The following ATP10A variants were observed in gnomAD, a reference collection of about 807,000 sequenced individuals.
ATP10A encodes the protein ATPase phospholipid transporting 10A (putative).
ATP10A carries 111 observed loss-of-function variants against 147.8 expected under a neutral mutation model. The observed-to-expected ratio is 0.75, with a 90% CI of 0.64 to 0.88. ATP10A has a LOEUF of 0.88. Among genes scored for constraint, ATP10A ranks in the 40% least tolerant of loss-of-function variants. ATP10A has a pLI of 0.00. For synonymous variants in ATP10A, 875 were observed against 841.6 expected, an observed-to-expected ratio of 1.04 and a Z score of -0.69; for missense variants, 1,927 against 1,959.0, an observed-to-expected ratio of 0.98 and a Z score of 0.31.
chr15:25,713,975 A>G lies in ATP10A; in HGVS notation c.2043T>C (p.Leu681=), dbSNP rs777193880. The G allele has an allele frequency of 6.2e-7, 1 of 1,609,776 alleles. No individual in the cohort carries two copies. The highest frequency in any genetic ancestry group is 1.3e-5 in the African/African-American group (1 of 74,950). ...CGCGCTCTGACTCCTGCTCCTGAGC[A>G]AGCTCCGAGGCCCAGTTGTCCGCCT... ...SSQADNWASE[L]AQEQESEREL... is the part of the protein sequence containing the mutation. Residue 681 remains leucine, a synonymous_variant, in exon 10 of 21, where the codon CTT becomes CTC. Transcript: ENST00000555815.
At chr15:25,742,919 A>G (rs1057375831) in intron 2 of ATP10A, among the ~76,000 whole-genome samples, 1 of 152,216 alleles carries the variant, frequency 6.6e-6, no homozygotes, top group African/African-American at 2.4e-5. Context: ...CTGCTTCCAC[A>G]GCCACAGGCC....
chr15:25,762,123 C>A (rs76132981), intron 2 of ATP10A, among the ~76,000 whole-genome samples: 1 of 152,092 alleles, frequency 6.6e-6, no homozygotes, highest in Non-Finnish European at 1.5e-5. Context: ...CTTATAAGGG[C>A]CTTTTCCCCC....
chr15:25,707,903 A>T, intron 12 of ATP10A, 73 bp downstream of exon 12: 1 of 1,573,314 alleles, frequency 6.4e-7, no homozygotes, highest in Non-Finnish European at 8.7e-7. Context: ...CGCTGACAAG[A>T]GCACTCACCC....
At chr15:25,754,664 A>C (rs539936942) in intron 2 of ATP10A, among the ~76,000 whole-genome samples, 1 of 152,196 alleles carries the variant, frequency 6.6e-6, no homozygotes, top group African/African-American at 2.4e-5. Context: ...TATCCGACAT[A>C]AAAATTGGAT....
chr15:25,849,706 GA>G (rs1300587913), intron 1 of ATP10A, among the ~76,000 whole-genome samples: 1 of 152,216 alleles, frequency 6.6e-6, no homozygotes, highest in African/African-American at 2.4e-5. Flanking sequence ...ATGCCAGAGA[GA>G]ACCTGAGGGT....
intron 15 of ATP10A, among the ~76,000 whole-genome samples, chr15:25,690,635 G>A (rs566248377): frequency 3.4e-4 from 52 of 152,214 alleles, no homozygotes; most frequent in African/African-American, 1.2e-3. Context: ...AATATTTATT[G>A]AAAAATGTCC....
At chr15:25,776,809 A>G (rs1244101515) in intron 2 of ATP10A, among the ~76,000 whole-genome samples, 3 of 152,116 alleles carry the variant, frequency 2.0e-5, no homozygotes, top group Non-Finnish European at 4.4e-5. Context: ...CATTAAATAC[A>G]ACCCTATTCC....
At position 25,679,633 on chromosome 15, in the gene ATP10A, A is replaced by C; in HGVS notation, c.4208T>G (p.Leu1403Arg). 1 of 1,613,330 alleles carries C rather than the reference A, an allele frequency of 6.2e-7. No homozygotes were observed. The highest frequency in any genetic ancestry group is 8.5e-7 in the Non-Finnish European group (1 of 1,179,936). The change falls in exon 21 of 21, where the codon CTG (leucine) becomes CGG (arginine). Residue 1403 changes from leucine (L) to arginine (R), a missense_variant. By Grantham distance (102) the Leu-to-Arg change is moderately radical. Coordinates refer to ENST00000555815, the MANE Select transcript of ATP10A (RefSeq NM_024490.4). ...PMSSAPGEAV[L>R]RSPGGCPEES... is the part of the protein sequence containing the mutation. ...CTCAGGACACCCTCCTGGACTCCTC[A>C]GGACAGCCTCCCCTGGCGCAGAGGA...
At chr15:25,695,932 GAA>G in intron 13 of ATP10A, among the ~76,000 whole-genome samples, 1 of 135,994 alleles carries the variant, frequency 7.4e-6, no homozygotes, top group South Asian at 2.4e-4. Flanking sequence ...GCCAGGAAAA[GAA>G]AAAAAAAAAA....
chr15:25,714,631 C>T (rs987314382), intron 9 of ATP10A, among the ~76,000 whole-genome samples: 1 of 152,012 alleles, frequency 6.6e-6, no homozygotes, highest in Admixed American at 6.6e-5. Flanking sequence ...TGGATGTATG[C>T]AGGGGAGTTG....
chr15:25,806,362 G>C, intron 1 of ATP10A, among the ~76,000 whole-genome samples: 1 of 151,522 alleles, frequency 6.6e-6, no homozygotes, highest in Non-Finnish European at 1.5e-5. Flanking sequence ...GCCCAGGCTG[G>C]AGTGCAGTGG....
intron 12 of ATP10A, among the ~76,000 whole-genome samples, chr15:25,703,515 C>T (rs1900795184): frequency 6.6e-6 from 1 of 152,206 alleles, no homozygotes; most frequent in Non-Finnish European, 1.5e-5. Context: ...GCCTTCAAAA[C>T]TCTAAGAAGT....
In ATP10A at chr15:25,679,330, T is replaced by C; in HGVS notation, c.*11A>G. On this transcript the variant is annotated 3_prime_UTR_variant, in exon 21 of 21. Transcript: ENST00000555815. The stretch of plus-strand genomic sequence containing the variant: ...TATTTATATATATTAAAAAAGGCCA[T>C]TTCAAGGTTTTCACTGTGACCGCCT... 1 of 1,419,826 alleles carries C rather than the reference T, an allele frequency of 7.0e-7. No individual in the cohort carries two copies. The highest frequency in any genetic ancestry group is 1.4e-5 in the African/African-American group (1 of 69,316). 88.0% of individuals were successfully genotyped at this position (1,419,826 alleles called of 1,614,324 possible). A position where few individuals can be genotyped will look rare whatever the true frequency, so the allele number is the denominator to read the frequency against.
In ATP10A at chr15:25,679,319, A is replaced by T. The variant is rs752493136; in HGVS notation, c.*22T>A. The T allele has an allele frequency of 2.2e-5, 30 of 1,372,122 alleles. No individual in the cohort carries two copies. In the Admixed American group the frequency reaches 3.0e-4, roughly 14 times the overall value. The allele number at this position is 1,372,122 out of a possible 1,614,324, so 85.0% of individuals were successfully genotyped here. A position where few individuals can be genotyped will look rare whatever the true frequency, so the allele number is the denominator to read the frequency against. ...ATATTAACATTTATTTATATATATT[A>T]AAAAAGGCCATTTCAAGGTTTTCAC... On this transcript the variant is annotated 3_prime_UTR_variant, in exon 21 of 21. Coordinates refer to ENST00000555815, the MANE Select transcript of ATP10A (RefSeq NM_024490.4).
chr15:25,680,250 A>C lies in ATP10A; in HGVS notation c.3737T>G (p.Leu1246Trp), dbSNP rs758123629. 1.9e-6 allele frequency: 3 copies of C among 1,614,232 alleles called. No homozygotes were observed. The highest frequency in any genetic ancestry group is 2.5e-6 in the Non-Finnish European group (3 of 1,180,034). The change falls in exon 20 of 21, where the codon TTG becomes TGG. Residue 1246 changes from leucine to tryptophan, a missense_variant. Transcript: ENST00000555815. ...FSVLLFFTVA[L>W]IYNASCATCY... ...CGTGGCACAAGACGCATTGTAAATC[A>C]AAGCCACGGTGAAAAACAAAAGGAC...
At position 25,862,681 on chromosome 15, in the gene ATP10A, T is replaced by C. The variant is rs1466773816; in HGVS notation, c.416A>G (p.Lys139Arg). ...EDYSRHRSDH[K>R]INHLGCLVFS... Reference sequence around the variant, plus strand: ...GACCAGGCAGCCCAGGTGGTTGATCTTGTGGTCGGAGCGGTGGCGGCTGTA... The same window carrying C: ...GACCAGGCAGCCCAGGTGGTTGATCCTGTGGTCGGAGCGGTGGCGGCTGTA... The change falls in exon 1 of 21, where the codon AAG (lysine) becomes AGG (arginine). Residue 139 changes from lysine to arginine, a missense_variant. Lys to Arg is a conservative substitution (Grantham distance 26). Transcript: ENST00000555815. The C allele has an allele frequency of 4.4e-6, 7 of 1,601,426 alleles. No homozygotes were observed. In the East Asian group the frequency reaches 6.7e-5, roughly 15 times the overall value.
chr15:25,849,592 G>C lies in ATP10A; in HGVS notation c.449+13056C>G, dbSNP rs1893189418. Among the ~76,000 whole-genome samples, 19 of 152,122 alleles carry C rather than the reference G, an allele frequency of 1.2e-4. No homozygotes were observed. The South Asian group carries it at 3.9e-3, about 32-fold the overall frequency. On this transcript the variant is annotated intron_variant, in intron 1 of 20. Transcript: ENST00000555815. Reference sequence around the variant, plus strand: ...AGGAATTAACACAGGATAGGAAACTGAAAGGAGAAAAAGAGAAAAGACCAG... The same window carrying C: ...AGGAATTAACACAGGATAGGAAACTCAAAGGAGAAAAAGAGAAAAGACCAG...
At position 25,695,110 on chromosome 15, in the gene ATP10A, A is replaced by G. The variant is rs1596699014; in HGVS notation, c.2797T>C (p.Tyr933His). 1 of 1,614,044 alleles carries G rather than the reference A, an allele frequency of 6.2e-7. No individual in the cohort carries two copies. Among genetic ancestry groups the G allele is most frequent in the Non-Finnish European group, 8.5e-7 (1 of 1,179,968 alleles). The change falls in exon 14 of 21, where the codon TAC (tyrosine) becomes CAC (histidine). Residue 933 changes from tyrosine to histidine, a missense_variant. By Grantham distance (83) the Tyr-to-His change is moderately conservative. Transcript: ENST00000555815. ...CTCTGGAGGCCTCTGGACTGCACGT[A>G]GCATAGGCACTGGTCTAGCAGGGCT... is the stretch of plus-strand genomic sequence containing the variant. The part of the protein sequence containing the change: ...CAALLDQCLC[Y>H]VQSRGLQRAP...
intron 13 of ATP10A, among the ~76,000 whole-genome samples, chr15:25,698,532 C>T (rs550810902): frequency 1.2e-4 from 19 of 152,226 alleles, no homozygotes; most frequent in Middle Eastern, 6.8e-3. Flanking sequence ...AGTAAGGCTT[C>T]TGGTCAACAG....
Sources: gnomAD v4.1 joint callset for allele counts (sites outside exome capture counted in the v4.1 genomes callset) on GRCh38, gnomAD v4.1.1 for gene constraint, MANE v1.5 for transcripts, NCBI Gene and HGNC (gene_info 2026-07-23, HGNC 2026-07-21) for gene names.